Variants in FRMD4A observed in about 807,000 individuals in gnomAD.
FRMD4A encodes the protein FERM domain-containing protein 4A.
Under a neutral mutation model 129.1 loss-of-function variants are expected in FRMD4A, and 29 were observed. The observed-to-expected ratio is 0.22, with a 90% CI of 0.17 to 0.31. FRMD4A has a LOEUF of 0.31. Among genes scored for constraint, FRMD4A ranks in the 10% least tolerant of loss-of-function variants. The pLI, the probability that FRMD4A is intolerant of heterozygous loss-of-function variation, is 1.00. For missense variants in FRMD4A, 1,272 were observed against 1,375.8 expected (o/e 0.92, Z 1.19); for synonymous variants, 634 against 571.6 (o/e 1.11, Z -1.56).
intron 2 of FRMD4A, among the ~76,000 whole-genome samples, chr10:14,111,682 G>A (rs145017003): frequency 1.3e-5 from 2 of 152,022 alleles, no homozygotes; most frequent in East Asian, 3.9e-4. Flanking sequence ...AATGCATTAC[G>A]TCATGTACCA....
chr10:13,901,116 T>C (rs1209214804), intron 2 of FRMD4A, among the ~76,000 whole-genome samples: 2 of 152,206 alleles, frequency 1.3e-5, no homozygotes, highest in African/African-American at 4.8e-5. Flanking sequence ...AGTCGGCCAC[T>C]GCCAGTTACC....
At chr10:13,700,063 G>A (rs1328073747) in intron 14 of FRMD4A, among the ~76,000 whole-genome samples, 2 of 152,010 alleles carry the variant, frequency 1.3e-5, no homozygotes, top group Non-Finnish European at 2.9e-5. Context: ...ATTTAAAACT[G>A]AATTATGACT....
intron 12 of FRMD4A, among the ~76,000 whole-genome samples, chr10:13,713,797 TA>T (rs1291066889): frequency 2.7e-5 from 3 of 110,486 alleles, no homozygotes; most frequent in African/African-American, 1.1e-4. Flanking sequence ...TACATATATG[TA>T]ATATATATAC....
chr10:14,104,552 C>G (rs1217919597), intron 2 of FRMD4A, among the ~76,000 whole-genome samples: 1 of 152,242 alleles, frequency 6.6e-6, no homozygotes, highest in African/African-American at 2.4e-5. Context: ...GTCCCTGAGG[C>G]TCTACGGTGG....
intron 3 of FRMD4A, among the ~76,000 whole-genome samples, chr10:13,842,492 A>G (rs960258571): frequency 2.6e-5 from 4 of 152,196 alleles, no homozygotes; most frequent in Admixed American, 6.5e-5. Flanking sequence ...AAAATCCTGC[A>G]AGGTACTTAT....
intron 2 of FRMD4A, among the ~76,000 whole-genome samples, chr10:13,921,179 G>A (rs1293053904): frequency 6.6e-6 from 1 of 152,076 alleles, no homozygotes; most frequent in Non-Finnish European, 1.5e-5. Context: ...AAGGAAAAGG[G>A]ACCTCTCTGG....
At chr10:14,073,632 A>G (rs1205329706) in intron 2 of FRMD4A, among the ~76,000 whole-genome samples, 1 of 152,016 alleles carries the variant, frequency 6.6e-6, no homozygotes, top group Non-Finnish European at 1.5e-5. Context: ...TGCTTGTCCA[A>G]GGGCTGCTGT....
chr10:14,275,875 C>CA (rs1457428303), intron 2 of FRMD4A, among the ~76,000 whole-genome samples: 1 of 152,192 alleles, frequency 6.6e-6, no homozygotes, highest in East Asian at 1.9e-4. Context: ...CCCATCTCTA[C>CA]AAAAAACACA....
chr10:13,707,141 C>T (rs768276269), intron 12 of FRMD4A, 28 bp from the exon 13 acceptor site: 4 of 1,283,262 alleles, frequency 3.1e-6, no homozygotes, highest in East Asian at 2.3e-5. Flanking sequence ...TAGTTTAAAA[C>T]TCAGGAGGGG....
chr10:13,923,380 C>T (rs1180205669), intron 2 of FRMD4A, among the ~76,000 whole-genome samples: 4 of 152,180 alleles, frequency 2.6e-5, no homozygotes, highest in East Asian at 1.9e-4. Context: ...CTGAGTGCGA[C>T]ATTTTCTCCT....
At chr10:14,228,674 C>A (rs1475639060) in intron 2 of FRMD4A, among the ~76,000 whole-genome samples, 1 of 152,042 alleles carries the variant, frequency 6.6e-6, no homozygotes, top group Non-Finnish European at 1.5e-5. Context: ...TGCAACCAAC[C>A]CAACAGGAGA....
At chr10:13,860,997 G>T (rs184026159) in intron 2 of FRMD4A, among the ~76,000 whole-genome samples, 1 of 152,240 alleles carries the variant, frequency 6.6e-6, no homozygotes, top group African/African-American at 2.4e-5. Context: ...ATTTCTCAAG[G>T]CCTGTTAGGT....
intron 2 of FRMD4A, among the ~76,000 whole-genome samples, chr10:14,108,152 A>C (rs1837682658): frequency 6.6e-6 from 1 of 152,172 alleles, no homozygotes; most frequent in South Asian, 2.1e-4. Flanking sequence ...TGTAGAGAGA[A>C]ATGGCATTTT....
chr10:13,674,227 C>G (rs1245043971), intron 16 of FRMD4A, among the ~76,000 whole-genome samples: 2 of 152,248 alleles, frequency 1.3e-5, no homozygotes, highest in East Asian at 3.9e-4. Flanking sequence ...AAAGACAAGT[C>G]TGAAATACCC....
intron 24 of FRMD4A, chr10:13,648,611 C>T (rs2081303310): frequency 6.6e-6 from 1 of 152,164 alleles, no homozygotes; most frequent in Admixed American, 6.5e-5. Flanking sequence ...GATGTCATTT[C>T]CTCCTGAGAA....
At chr10:14,297,137 AT>A (rs34998308) in intron 2 of FRMD4A, among the ~76,000 whole-genome samples, 19,121 of 146,808 alleles carry the variant, frequency 0.13, 1,326 homozygotes, top group Middle Eastern at 0.24. Flanking sequence ...TCTCTTTCTC[AT>A]TTTTTTTTTT....
chr10:14,292,661 G>T (rs941216084), intron 2 of FRMD4A, among the ~76,000 whole-genome samples: 2 of 152,092 alleles, frequency 1.3e-5, no homozygotes, highest in Admixed American at 6.6e-5. Flanking sequence ...TTAGCTGGGC[G>T]TGGTGGTGGG....
rs549675472 is a variant in FRMD4A at position 14,201,391 on chromosome 10, A to G, written c.45+128667T>C. On this transcript the variant is annotated intron_variant, in intron 2 of 24. Coordinates refer to ENST00000357447, the MANE Select transcript of FRMD4A (RefSeq NM_018027.5). ...CTCCTGACTGGATCCTGACTGACAT[A>G]CTTAGGAATGCCTGAGAAGTGGATT... 7.9e-5 allele frequency among the ~76,000 whole-genome samples: 12 copies of G among 152,232 alleles called. No homozygotes were observed. The East Asian group carries it at 1.9e-3, about 24-fold the overall frequency.
At chr10:14,075,977 A>G (rs1252589344) in intron 2 of FRMD4A, among the ~76,000 whole-genome samples, 1 of 152,194 alleles carries the variant, frequency 6.6e-6, no homozygotes, top group East Asian at 1.9e-4. Flanking sequence ...ATGGTAATGT[A>G]GCATCTATTT....
Sources: gnomAD v4.1 joint callset for allele counts (sites outside exome capture counted in the v4.1 genomes callset) on GRCh38, gnomAD v4.1.1 for gene constraint, MANE v1.5 for transcripts, NCBI Gene and HGNC (gene_info 2026-07-23, HGNC 2026-07-21) for gene names.